The following HIP1 variants were observed in gnomAD, a reference collection of about 807,000 sequenced individuals.
HIP1 encodes huntingtin-interacting protein 1.
HIP1 carries 65 observed loss-of-function variants against 147.6 expected under a neutral mutation model. That is an observed-to-expected ratio of 0.44 (90% CI 0.36 to 0.54). The LOEUF is 0.54. Among genes scored for constraint, HIP1 ranks in the 20% least tolerant of loss-of-function variants. The pLI is 0.00. For synonymous variants in HIP1, 479 were observed against 504.0 expected, an observed-to-expected ratio of 0.95 and a Z score of 0.67; for missense variants, 1,061 against 1,299.6, an observed-to-expected ratio of 0.82 and a Z score of 2.82.
At chr7:75,543,736 C>T (rs1794424070) in intron 27 of HIP1, among the ~76,000 whole-genome samples, 1 of 152,178 alleles carries the variant, frequency 6.6e-6, no homozygotes, top group Admixed American at 6.6e-5. Context: ...TCGAGTGTTT[C>T]TTGAATGCCA....
Position 75,632,396 on chromosome 7 carries a change from A to G in HIP1, c.121-33149T>C, listed in dbSNP as rs184717768. Reference sequence around the variant, plus strand: ...GTAATCCACAAATGGTAAACCAAAAATTCTTTTCTCCTAAGCAATTTTTTT... The same window carrying G: ...GTAATCCACAAATGGTAAACCAAAAGTTCTTTTCTCCTAAGCAATTTTTTT... On this transcript the variant is annotated intron_variant, in intron 1 of 30. Transcript: ENST00000336926. 3.2e-4 allele frequency among the ~76,000 whole-genome samples: 48 copies of G among 152,148 alleles called. No homozygotes were observed. In the East Asian group the frequency reaches 7.9e-3, roughly 25 times the overall value.
At position 75,568,744 on chromosome 7, in the gene HIP1, C is replaced by G. The variant is rs1352846871; in HGVS notation, c.746-488G>C. ...GGATTGAAGGCCAGGTGCAGTGGCT[C>G]ACGCATGTAATCCCAGCACTTTGGG... On this transcript the variant is annotated intron_variant, in intron 8 of 30. Transcript: ENST00000336926. The surrounding 1 kb of genome is among the most constrained non-coding windows in gnomAD (Gnocchi z 4.1). Among the ~76,000 whole-genome samples, 2 of 152,192 alleles carry G rather than the reference C, an allele frequency of 1.3e-5. No individual in the cohort carries two copies. Among genetic ancestry groups the G allele is most frequent in the Non-Finnish European group, 2.9e-5 (2 of 68,044 alleles).
rs987005828 is a variant in HIP1, at chr7:75,723,971, A to G, written c.120+14830T>C. Among the ~76,000 whole-genome samples, 47 of 146,228 alleles carry G rather than the reference A, an allele frequency of 3.2e-4. No individual in the cohort carries two copies. In the Middle Eastern group the frequency reaches 0.014, roughly 45 times the overall value. ...ATATAGAGAGAGAGAGAGAGAGAGA[A>G]AGAGAGACAGAGTCTCGCTCTGTCA... On this transcript the variant is annotated intron_variant, in intron 1 of 30. Transcript: ENST00000336926.
intron 1 of HIP1, among the ~76,000 whole-genome samples, chr7:75,671,176 C>G (rs1281960788): frequency 4.6e-5 from 7 of 152,082 alleles, no homozygotes; most frequent in African/African-American, 1.7e-4. Flanking sequence ...TCACTGCAAC[C>G]TCCCCCTCCC....
intron 2 of HIP1, among the ~76,000 whole-genome samples, chr7:75,595,855 C>T (rs1278412423): frequency 3.3e-5 from 5 of 152,160 alleles, no homozygotes; most frequent in Admixed American, 3.3e-4. Flanking sequence ...ATTTAGGCAT[C>T]TGTGATAAAT....
intron 1 of HIP1, among the ~76,000 whole-genome samples, chr7:75,715,914 G>A (rs1368451019): frequency 1.3e-5 from 2 of 152,022 alleles, no homozygotes; most frequent in African/African-American, 4.8e-5. Flanking sequence ...AAGGGGAAGG[G>A]GAAGGGGAAT....
intron 4 of HIP1, among the ~76,000 whole-genome samples, chr7:75,590,733 C>T (rs140641475): frequency 1.6e-4 from 25 of 152,234 alleles, no homozygotes; most frequent in African/African-American, 5.5e-4. Context: ...ATATACCAGG[C>T]AAATTCTAAC....
intron 1 of HIP1, among the ~76,000 whole-genome samples, chr7:75,729,163 G>GAA (rs532233329): frequency 0.097 from 13,394 of 138,194 alleles, 754 homozygotes; most frequent in Middle Eastern, 0.15. Context: ...ACTAGAACAG[G>GAA]AAAAAAAAAA....
At chr7:75,559,210 G>C (rs1159844260) in intron 14 of HIP1, among the ~76,000 whole-genome samples, 1 of 152,132 alleles carries the variant, frequency 6.6e-6, no homozygotes, top group Non-Finnish European at 1.5e-5. Flanking sequence ...GAATTCCTGG[G>C]CTCAAGCGAT....
chr7:75,672,124 G>C lies in HIP1; in HGVS notation c.120+66677C>G, dbSNP rs548286159. Among the ~76,000 whole-genome samples, 47 of 152,286 alleles carry C rather than the reference G, an allele frequency of 3.1e-4. 1 individual carries two copies. In the South Asian group the frequency reaches 9.5e-3, roughly 31 times the overall value. On this transcript the variant is annotated intron_variant, in intron 1 of 30. Transcript: ENST00000336926. ...GATTTGCATTTCCTTAGTGATTAGT[G>C]ATAGGCACCTTTGCATGTGCTTATT...
intron 1 of HIP1, among the ~76,000 whole-genome samples, chr7:75,643,837 T>A (rs1554510764): frequency 6.6e-6 from 1 of 152,036 alleles, no homozygotes; most frequent in African/African-American, 2.4e-5. Flanking sequence ...CTGTCTCTAC[T>A]AAAAATACAA....
At chr7:75,582,510 G>A (rs1375423483) in intron 5 of HIP1, among the ~76,000 whole-genome samples, 1 of 152,116 alleles carries the variant, frequency 6.6e-6, no homozygotes, top group African/African-American at 2.4e-5. Context: ...ACATGTACAA[G>A]TGGATACTTT....
At chr7:75,622,022 A>G (rs587739655) in intron 1 of HIP1, among the ~76,000 whole-genome samples, 27 of 152,096 alleles carry the variant, frequency 1.8e-4, no homozygotes, top group Admixed American at 7.2e-4. Context: ...GGTGGCTCAC[A>G]CCTGTAATCC....
chr7:75,538,338 T>G, intron 30 of HIP1, 114 bp from the exon 31 acceptor site: 1 of 815,686 alleles, frequency 1.2e-6, no homozygotes, highest in East Asian at 2.5e-5. Context: ...ATAACCATGG[T>G]GTAATCACAT....
In HIP1 at chr7:75,738,846, G is replaced by T; in HGVS notation, c.75C>A (p.Gly25=). ...LPKVLSRRGV[G]AGLEAAERES... Reference sequence around the variant, plus strand: ...CGCGCTCCGCCGCCTCCAGCCCAGCGCCGACCCCGCGCCGGCTCAGCACCT... The same window carrying T: ...CGCGCTCCGCCGCCTCCAGCCCAGCTCCGACCCCGCGCCGGCTCAGCACCT... Residue 25 remains glycine, a synonymous_variant, in exon 1 of 31, where the codon GGC becomes GGA. Coordinates refer to ENST00000336926, the MANE Select transcript of HIP1 (RefSeq NM_005338.7). 1 of 1,591,978 alleles carries T rather than the reference G, an allele frequency of 6.3e-7. No homozygotes were observed.
At chr7:75,574,838 C>G (rs918001698) in intron 7 of HIP1, among the ~76,000 whole-genome samples, 1 of 151,920 alleles carries the variant, frequency 6.6e-6, no homozygotes, top group Non-Finnish European at 1.5e-5. Flanking sequence ...GGAGGAGGAG[C>G]CTCATCTTCA....
chr7:75,682,605 A>ACAAAACAAAACAAAACAAAC (rs1800128517), intron 1 of HIP1, among the ~76,000 whole-genome samples: 1 of 151,676 alleles, frequency 6.6e-6, no homozygotes, highest in African/African-American at 2.4e-5. Context: ...ACAAAACAAA[A>ACAAAACAAAACAAAACAAAC]CAAAAAACAG....
At chr7:75,577,090 G>A (rs1387965458) in intron 7 of HIP1, among the ~76,000 whole-genome samples, 1 of 152,024 alleles carries the variant, frequency 6.6e-6, no homozygotes, top group African/African-American at 2.4e-5. Context: ...CCAACACTTT[G>A]GGAGGCTGAG....
At chr7:75,546,900 T>A (rs1554491136) in intron 25 of HIP1, 39 bp downstream of exon 25, 2 of 1,411,680 alleles carry the variant, frequency 1.4e-6, no homozygotes, top group East Asian at 4.9e-5. Context: ...CTGTCACCAA[T>A]GCCTCCTCTT....
Sources: allele counts gnomAD v4.1 joint callset (sites outside exome capture counted in the v4.1 genomes callset), GRCh38; gene constraint gnomAD v4.1.1; non-coding constraint Gnocchi (gnomAD v3.1); transcripts MANE v1.5; gene names NCBI Gene and HGNC (gene_info 2026-07-23, HGNC 2026-07-21).